GBE1: variants seen among roughly 807,000 people sequenced by gnomAD.
GBE1 encodes 1,4-alpha-glucan-branching enzyme.
In GBE1, 70 loss-of-function variants were observed where a neutral mutation model predicts 88.8. The ratio of observed to expected loss-of-function variants is 0.79; its 90% CI spans 0.65 to 0.96. GBE1 has a LOEUF of 0.96. Ranked by LOEUF, GBE1 falls within the 40% of genes least tolerant of loss-of-function variation. The probability of loss-of-function intolerance (pLI) is 0.00; values close to 1 mark genes in which losing one functional copy is unlikely to be tolerated. For missense variants in GBE1, 872 were observed against 871.0 expected (o/e 1.00, Z -0.01); for synonymous variants, 284 against 300.1 (o/e 0.95, Z 0.56).
intron 2 of GBE1, among the ~76,000 whole-genome samples, chr3:81,685,280 C>T (rs1052228738): frequency 3.9e-5 from 6 of 152,040 alleles, no homozygotes; most frequent in African/African-American, 1.4e-4. Context: ...GGCACCTTTA[C>T]CTCCTCTCCT....
chr3:81,757,457 G>C (rs911410986), intron 1 of GBE1, among the ~76,000 whole-genome samples: 2 of 152,154 alleles, frequency 1.3e-5, no homozygotes, highest in Non-Finnish European at 2.9e-5. Context: ...ATGGAGTGAA[G>C]ATTTGAAAAA....
chr3:81,665,639 G>A (rs190970552), intron 3 of GBE1, among the ~76,000 whole-genome samples: 85 of 152,070 alleles, frequency 5.6e-4, no homozygotes, highest in Non-Finnish European at 1.0e-3. Context: ...GTCTTCTTGG[G>A]ATATGTTAAT....
chr3:81,664,311 G>C (rs988978233), intron 3 of GBE1, among the ~76,000 whole-genome samples: 5 of 152,026 alleles, frequency 3.3e-5, no homozygotes, highest in East Asian at 1.9e-4. Flanking sequence ...ATAAGTTTGA[G>C]AGAAGAAGTG....
chr3:81,737,616 G>T (rs1002177828), intron 1 of GBE1, among the ~76,000 whole-genome samples: 1 of 150,984 alleles, frequency 6.6e-6, no homozygotes, highest in Non-Finnish European at 1.5e-5. Context: ...GAGAATTTTT[G>T]TATGTGTTGA....
chr3:81,723,647 C>T (rs886960416), intron 1 of GBE1, among the ~76,000 whole-genome samples: 1 of 152,102 alleles, frequency 6.6e-6, no homozygotes, highest in African/African-American at 2.4e-5. Flanking sequence ...TTACTTCCAG[C>T]AACATTCTCA....
chr3:81,689,195 C>T (rs897528150), intron 2 of GBE1, among the ~76,000 whole-genome samples: 7 of 152,146 alleles, frequency 4.6e-5, no homozygotes, highest in Non-Finnish European at 7.4e-5. Flanking sequence ...TCAATTGCTA[C>T]TCTATGTCAT....
chr3:81,655,119 G>A (rs1235838820), intron 3 of GBE1: 1 of 152,062 alleles, frequency 6.6e-6, no homozygotes, highest in Non-Finnish European at 1.5e-5. Context: ...AGTGTACAAT[G>A]CTGAATATCA....
intron 13 of GBE1, among the ~76,000 whole-genome samples, chr3:81,535,632 C>A (rs969273686): frequency 1.3e-5 from 2 of 151,756 alleles, no homozygotes; most frequent in Non-Finnish European, 2.9e-5. Flanking sequence ...ACAAAGTGTT[C>A]GTTTGTATAT....
At chr3:81,753,536 C>G (rs1706560641) in intron 1 of GBE1, among the ~76,000 whole-genome samples, 1 of 152,176 alleles carries the variant, frequency 6.6e-6, no homozygotes, top group Non-Finnish European at 1.5e-5. Context: ...CACTAGCTGA[C>G]CAAGGCCCAG....
At chr3:81,497,614 C>A (rs1702517582) in intron 15 of GBE1, among the ~76,000 whole-genome samples, 2 of 152,148 alleles carry the variant, frequency 1.3e-5, no homozygotes, top group South Asian at 4.1e-4. Flanking sequence ...TTTCACTATA[C>A]CTTCAGGTTC....
chr3:81,727,842 C>T (rs1706134079), intron 1 of GBE1, among the ~76,000 whole-genome samples: 1 of 152,122 alleles, frequency 6.6e-6, no homozygotes, highest in African/African-American at 2.4e-5. Context: ...TCTCATAATT[C>T]CAGCCTGTCC....
chr3:81,586,597 T>A (rs1384506006), intron 9 of GBE1, among the ~76,000 whole-genome samples: 1 of 152,016 alleles, frequency 6.6e-6, no homozygotes, highest in African/African-American at 2.4e-5. Flanking sequence ...TGATAGGGAG[T>A]GTATTTTTGT....
intron 2 of GBE1, among the ~76,000 whole-genome samples, chr3:81,688,891 T>C (rs1355872268): frequency 6.6e-6 from 1 of 151,884 alleles, no homozygotes; most frequent in Non-Finnish European, 1.5e-5. Context: ...ATTACTATTA[T>C]GTATATAAAC....
intron 2 of GBE1, among the ~76,000 whole-genome samples, chr3:81,671,614 T>A (rs1705191899): frequency 6.6e-6 from 1 of 152,040 alleles, no homozygotes; most frequent in South Asian, 2.1e-4. Context: ...GTTATCCTTA[T>A]GAAAATAAAA....
chr3:81,753,794 T>C (rs925463606), intron 1 of GBE1, among the ~76,000 whole-genome samples: 19 of 152,208 alleles, frequency 1.2e-4, no homozygotes, highest in African/African-American at 4.3e-4. Flanking sequence ...GAGCAGGTCA[T>C]GTACATCTTG....
intron 1 of GBE1, among the ~76,000 whole-genome samples, chr3:81,760,835 A>C (rs1408637950): frequency 6.6e-6 from 1 of 152,194 alleles, no homozygotes; most frequent in Non-Finnish European, 1.5e-5. Flanking sequence ...TGTAGGTGTA[A>C]TCTTCCCCTA....
chr3:81,523,305 C>T (rs1233470129), intron 14 of GBE1, among the ~76,000 whole-genome samples: 4 of 151,264 alleles, frequency 2.6e-5, no homozygotes, highest in South Asian at 4.2e-4. Context: ...AAATTCTATA[C>T]ATTTCCATTT....
At chr3:81,624,484 C>G (rs987727588) in intron 7 of GBE1, among the ~76,000 whole-genome samples, 1 of 152,188 alleles carries the variant, frequency 6.6e-6, no homozygotes, top group African/African-American at 2.4e-5. Flanking sequence ...TATTTCATAT[C>G]TATTTTTAAA....
chr3:81,698,755 T>G (rs960148274), intron 2 of GBE1, among the ~76,000 whole-genome samples: 1 of 152,148 alleles, frequency 6.6e-6, no homozygotes, highest in African/African-American at 2.4e-5. Context: ...CTACCTGTGC[T>G]CAGTATTCTG....
Sources: gnomAD v4.1 joint callset for allele counts (sites outside exome capture counted in the v4.1 genomes callset) on GRCh38, gnomAD v4.1.1 for gene constraint, MANE v1.5 for transcripts, NCBI Gene and HGNC (gene_info 2026-07-23, HGNC 2026-07-21) for gene names.